Variants in CSMD3 observed in about 807,000 individuals in gnomAD.
The protein encoded by CSMD3 is CUB and sushi domain-containing protein 3.
CSMD3 carries 177 observed loss-of-function variants against 435.2 expected under a neutral mutation model. The ratio of observed to expected loss-of-function variants is 0.41; its 90% confidence interval spans 0.36 to 0.46. The LOEUF is 0.46. Ranked by LOEUF, CSMD3 falls within the 20% of genes least tolerant of loss-of-function variation. The pLI is 0.34. For missense variants in CSMD3, 4,265 were observed against 4,504.6 expected (o/e 0.95, Z 1.52); for synonymous variants, 1,656 against 1,520.5 (o/e 1.09, Z -2.07).
intron 3 of CSMD3, among the ~76,000 whole-genome samples, chr8:113,192,324 A>G (rs1030349879): frequency 6.6e-6 from 1 of 151,430 alleles, no homozygotes; most frequent in Non-Finnish European, 1.5e-5. Context: ...TGTTTTTTTT[A>G]TATTTGACAA....
At chr8:112,504,166 AG>A (rs556654250) in intron 29 of CSMD3, among the ~76,000 whole-genome samples, 189 bp from the exon 30 acceptor site, 180 of 152,230 alleles carry the variant, frequency 1.2e-3, no homozygotes, top group Admixed American at 3.9e-3. Flanking sequence ...TCAAATAAGC[AG>A]GGGAAAAAGA....
At chr8:112,335,969 G>A (rs933490950) in intron 44 of CSMD3, among the ~76,000 whole-genome samples, 3 of 152,122 alleles carry the variant, frequency 2.0e-5, no homozygotes, top group South Asian at 2.1e-4. Flanking sequence ...CTGGAGTGCA[G>A]TAGGATGATC....
At chr8:112,310,514 A>C (rs565697503) in intron 50 of CSMD3, 5 of 230,114 alleles carry the variant, frequency 2.2e-5, no homozygotes, top group Non-Finnish European at 3.5e-5. Flanking sequence ...TGTACCACTG[A>C]AGAAAAAAAA....
At chr8:112,988,937 C>A (rs185949931) in intron 6 of CSMD3, among the ~76,000 whole-genome samples, 1 of 151,978 alleles carries the variant, frequency 6.6e-6, no homozygotes, top group Non-Finnish European at 1.5e-5. Context: ...TATACAGCTG[C>A]GGGTAAATAA....
At chr8:113,352,549 T>C (rs1016591171) in intron 1 of CSMD3, among the ~76,000 whole-genome samples, 1 of 152,216 alleles carries the variant, frequency 6.6e-6, no homozygotes, top group African/African-American at 2.4e-5. Context: ...TTCTCATTTC[T>C]GCACACCTGC....
chr8:113,062,416 A>G (rs1193740684), intron 5 of CSMD3, among the ~76,000 whole-genome samples: 2 of 151,968 alleles, frequency 1.3e-5, no homozygotes, highest in Non-Finnish European at 2.9e-5. Context: ...ATATTTTATC[A>G]AAGAAATGAA....
At chr8:112,570,199 A>G (rs1018000222) in intron 24 of CSMD3, among the ~76,000 whole-genome samples, 1 of 152,192 alleles carries the variant, frequency 6.6e-6, no homozygotes, top group Non-Finnish European at 1.5e-5. Flanking sequence ...GAACTGTTTT[A>G]CTATCATGAA....
At chr8:113,122,100 G>T (rs1392407443) in intron 4 of CSMD3, among the ~76,000 whole-genome samples, 1 of 152,016 alleles carries the variant, frequency 6.6e-6, no homozygotes, top group Non-Finnish European at 1.5e-5. Flanking sequence ...GTTTCTTCTT[G>T]AGACAATACC....
chr8:112,800,808 GT>G (rs1430051719), intron 12 of CSMD3, among the ~76,000 whole-genome samples: 3 of 151,958 alleles, frequency 2.0e-5, no homozygotes, highest in African/African-American at 4.8e-5. Context: ...TCTGTAAATA[GT>G]TTTATTTAAA....
At chr8:112,921,493 A>AT in intron 10 of CSMD3, 134 bp downstream of exon 10, 1 of 795,118 alleles carries the variant, frequency 1.3e-6, no homozygotes, top group Admixed American at 2.3e-5. Flanking sequence ...TTCTATAAAT[A>AT]TCAATAAATA....
intron 13 of CSMD3, among the ~76,000 whole-genome samples, chr8:112,786,607 C>G (rs1046011752): frequency 2.6e-5 from 4 of 151,462 alleles, no homozygotes; most frequent in Non-Finnish European, 4.4e-5. Context: ...AAGATCTAAT[C>G]TGAATAGATA....
chr8:113,252,797 TG>T (rs1286690136), intron 3 of CSMD3, among the ~76,000 whole-genome samples: 1 of 152,148 alleles, frequency 6.6e-6, no homozygotes, highest in Admixed American at 6.5e-5. Context: ...TCATAAGTAG[TG>T]GGTGGACCAA....
At chr8:112,552,750 C>T (rs1827797084) in intron 25 of CSMD3, 30 bp from the exon 26 acceptor site, 4 of 1,598,458 alleles carry the variant, frequency 2.5e-6, no homozygotes, top group African/African-American at 1.3e-5. Flanking sequence ...ATTTAAGCCA[C>T]AATTTAATGC....
Position 113,202,240 on chromosome 8 carries a change from T to G in CSMD3, c.515-28324A>C, listed in dbSNP as rs369703554. 7.9e-5 allele frequency among the ~76,000 whole-genome samples: 12 copies of G among 152,272 alleles called. No homozygotes were observed. In the East Asian group the frequency reaches 2.3e-3, roughly 29 times the overall value. On this transcript the variant is annotated intron_variant, in intron 3 of 70. Transcript: ENST00000297405. The stretch of plus-strand genomic sequence containing the variant: ...TTATATAGCAGCTCTTGGAAGTGAT[T>G]ATATAAAATGTTATTTCTTCTTAGT...
intron 59 of CSMD3, among the ~76,000 whole-genome samples, chr8:112,280,509 C>T (rs896576503): frequency 3.5e-5 from 2 of 56,692 alleles, no homozygotes; most frequent in African/African-American, 7.4e-5. Flanking sequence ...TGGGCTCAAG[C>T]GATCTACACA....
chr8:112,508,295 C>G (rs1273362141), intron 28 of CSMD3, among the ~76,000 whole-genome samples: 1 of 152,080 alleles, frequency 6.6e-6, no homozygotes, highest in African/African-American at 2.4e-5. Flanking sequence ...ACACCCTGCC[C>G]CATATAACTT....
chr8:112,629,280 C>T (rs1390120474), intron 22 of CSMD3, among the ~76,000 whole-genome samples: 1 of 152,036 alleles, frequency 6.6e-6, no homozygotes, highest in Non-Finnish European at 1.5e-5. Context: ...CAGCTCACTG[C>T]CCCCTTGAAC....
intron 9 of CSMD3, among the ~76,000 whole-genome samples, chr8:112,933,299 G>T (rs191085641): frequency 6.6e-6 from 1 of 152,094 alleles, no homozygotes; most frequent in Non-Finnish European, 1.5e-5. Flanking sequence ...AGCCCCAAGC[G>T]TTCTATAATG....
chr8:113,021,540 A>C (rs1201609950), intron 5 of CSMD3, among the ~76,000 whole-genome samples: 3 of 152,206 alleles, frequency 2.0e-5, no homozygotes. Context: ...ACACCAAAGC[A>C]GAGTTTGGAG....
Sources: gnomAD v4.1 joint callset for allele counts (sites outside exome capture counted in the v4.1 genomes callset) on GRCh38, gnomAD v4.1.1 for gene constraint, MANE v1.5 for transcripts, NCBI Gene and HGNC (gene_info 2026-07-23, HGNC 2026-07-21) for gene names.